Variants in SH2D4B observed in about 807,000 individuals in gnomAD.
SH2D4B encodes the protein SH2 domain containing 4B.
SH2D4B carries 45 observed loss-of-function variants against 61.5 expected under a neutral mutation model. The ratio of observed to expected loss-of-function variants is 0.73; its 90% CI spans 0.58 to 0.94. The LOEUF (loss-of-function observed/expected upper bound fraction) is 0.94, where lower values mean the gene tolerates loss of function less well. Among genes scored for constraint, SH2D4B ranks in the 40% least tolerant of loss-of-function variants. SH2D4B has a pLI of 0.00. For missense variants in SH2D4B, 572 were observed against 574.2 expected, an observed-to-expected ratio of 1.00 and a Z score of 0.04; for synonymous variants, 224 against 220.4, an observed-to-expected ratio of 1.02 and a Z score of -0.14.
intron 3 of SH2D4B, among the ~76,000 whole-genome samples, chr10:80,584,149 G>A (rs1842215994): frequency 6.6e-6 from 1 of 152,216 alleles, no homozygotes; most frequent in Non-Finnish European, 1.5e-5. Flanking sequence ...GACTCAGAAA[G>A]TGTCTCTATG....
At chr10:80,588,868 T>G in intron 4 of SH2D4B, 91 bp downstream of exon 4, 1 of 1,481,170 alleles carries the variant, frequency 6.8e-7, no homozygotes, top group Non-Finnish European at 9.2e-7. Context: ...GTCATTTCCA[T>G]TCGCTCACTC....
At chr10:80,572,945 A>AACATATATAT (rs1401982950) in intron 3 of SH2D4B, among the ~76,000 whole-genome samples, 6 of 20,682 alleles carry the variant, frequency 2.9e-4, no homozygotes, top group Admixed American at 1.1e-3. Context: ...GTATGTTGCA[A>AACATATATAT]ATATATATAT....
At chr10:80,582,205 G>C (rs1348764010) in intron 3 of SH2D4B, among the ~76,000 whole-genome samples, 1 of 152,154 alleles carries the variant, frequency 6.6e-6, no homozygotes, top group Admixed American at 6.5e-5. Context: ...AGTTGAAAGG[G>C]AAACGCTGGG....
chr10:80,602,399 G>C (rs1222117784), intron 4 of SH2D4B, among the ~76,000 whole-genome samples: 1 of 152,118 alleles, frequency 6.6e-6, no homozygotes, highest in Non-Finnish European at 1.5e-5. Flanking sequence ...GGAGGTTGAG[G>C]TTGCAGTGAG....
intron 1 of SH2D4B, among the ~76,000 whole-genome samples, chr10:80,550,864 C>T (rs1038188577): frequency 2.0e-5 from 3 of 152,060 alleles, no homozygotes; most frequent in African/African-American, 7.3e-5. Context: ...GAAGCTTCCT[C>T]CACACTGTTT....
intron 6 of SH2D4B, among the ~76,000 whole-genome samples, chr10:80,623,050 G>A (rs1489030332): frequency 1.3e-5 from 2 of 152,166 alleles, no homozygotes; most frequent in Non-Finnish European, 2.9e-5. Context: ...GAGTAGCTGG[G>A]ATTACAGGCG....
intron 7 of SH2D4B, among the ~76,000 whole-genome samples, chr10:80,636,499 A>C (rs1840170830): frequency 1.3e-5 from 2 of 152,180 alleles, no homozygotes; most frequent in Non-Finnish European, 2.9e-5. Context: ...TCTAACTGGC[A>C]TGAGATGGTA....
chr10:80,639,830 C>T (rs771129136), intron 7 of SH2D4B, among the ~76,000 whole-genome samples: 6 of 151,456 alleles, frequency 4.0e-5, no homozygotes, highest in African/African-American at 9.7e-5. Flanking sequence ...TTATGATGTT[C>T]GCTGGTTATT....
intron 5 of SH2D4B, among the ~76,000 whole-genome samples, chr10:80,605,455 C>T (rs1479917037): frequency 1.3e-5 from 2 of 152,044 alleles, no homozygotes; most frequent in Non-Finnish European, 2.9e-5. Flanking sequence ...TTTTGATTTT[C>T]ATATGAAATT....
rs1005230946 is a variant in SH2D4B at position 80,644,661 on chromosome 10, T to A, written c.*576T>A. 1 of 152,236 alleles carries A rather than the reference T, an allele frequency of 6.6e-6. No individual in the cohort carries two copies. Among genetic ancestry groups the A allele is most frequent in the African/African-American group, 2.4e-5 (1 of 41,446 alleles). The allele number at this position is 152,236 out of a possible 1,614,324, so 9.4% of individuals were successfully genotyped here. On this transcript the variant is annotated 3_prime_UTR_variant, in exon 8 of 8. Coordinates refer to ENST00000646907, the MANE Select transcript of SH2D4B (RefSeq NM_001388272.1). ...ATATTATCATTGGAATTATCTAAGGTGAGCCCCAGTTTCCAGGGCAGCTGA... is the reference window on the plus strand; with the variant it reads ...ATATTATCATTGGAATTATCTAAGGAGAGCCCCAGTTTCCAGGGCAGCTGA...
At chr10:80,639,755 A>G (rs111397159) in intron 7 of SH2D4B, among the ~76,000 whole-genome samples, 9,218 of 152,156 alleles carry the variant, frequency 0.061, 939 homozygotes, top group African/African-American at 0.21. Context: ...TGTGTCTTTT[A>G]ATTGGGGCAT....
At chr10:80,561,380 T>A (rs923795001) in intron 1 of SH2D4B, among the ~76,000 whole-genome samples, 7 of 152,216 alleles carry the variant, frequency 4.6e-5, no homozygotes, top group Non-Finnish European at 8.8e-5. Context: ...TATTTACAAA[T>A]GTGACTTTTC....
chr10:80,630,646 C>T (rs1204962882), intron 6 of SH2D4B, among the ~76,000 whole-genome samples: 1 of 152,192 alleles, frequency 6.6e-6, no homozygotes, highest in Non-Finnish European at 1.5e-5. Context: ...CAGAGAGGCA[C>T]ATTTTTCTAA....
At chr10:80,588,498 T>A in intron 3 of SH2D4B, 132 bp from the exon 4 acceptor site, 10 of 1,158,892 alleles carry the variant, frequency 8.6e-6, no homozygotes, top group Non-Finnish European at 1.2e-5. Flanking sequence ...TTCATACATG[T>A]AGGGACTGAG....
chr10:80,572,914 G>A (rs543923399), intron 3 of SH2D4B, among the ~76,000 whole-genome samples: 3 of 120,916 alleles, frequency 2.5e-5, no homozygotes, highest in African/African-American at 5.9e-5. Flanking sequence ...CACTGCACCC[G>A]ACCAATGTTG....
At chr10:80,617,659 A>G (rs537768088) in intron 6 of SH2D4B, among the ~76,000 whole-genome samples, 1 of 152,364 alleles carries the variant, frequency 6.6e-6, no homozygotes, top group East Asian at 1.9e-4. Context: ...AACCTAAAAG[A>G]GAATTTTCAG....
intron 6 of SH2D4B, among the ~76,000 whole-genome samples, chr10:80,615,070 G>C (rs1842645513): frequency 6.6e-6 from 1 of 152,254 alleles, no homozygotes; most frequent in African/African-American, 2.4e-5. Context: ...AGCTGAGTGG[G>C]AATGGAGTTG....
At chr10:80,560,694 T>TAA (rs1564768620) in intron 1 of SH2D4B, among the ~76,000 whole-genome samples, 577 of 27,724 alleles carry the variant, frequency 0.021, 3 homozygotes, top group African/African-American at 0.15. Flanking sequence ...CTGGCCAAGC[T>TAA]TTTTTTTTTT....
intron 3 of SH2D4B, among the ~76,000 whole-genome samples, chr10:80,586,300 T>C (rs140905846): frequency 0.12 from 17,698 of 152,190 alleles, 1,395 homozygotes; most frequent in East Asian, 0.31. Context: ...CCTGCGGCCC[T>C]GGTGCGCGAT....
Sources: gnomAD v4.1 joint callset for allele counts (sites outside exome capture counted in the v4.1 genomes callset) on GRCh38, gnomAD v4.1.1 for gene constraint, MANE v1.5 for transcripts, NCBI Gene and HGNC (gene_info 2026-07-23, HGNC 2026-07-21) for gene names.